The following LRRC74A variants were observed in gnomAD, a reference collection of about 807,000 sequenced individuals.
LRRC74A encodes leucine rich repeat containing 74A.
LRRC74A carries 44 observed loss-of-function variants against 57.9 expected under a neutral mutation model. The ratio of observed to expected loss-of-function variants is 0.76; its 90% CI spans 0.60 to 0.98. The LOEUF (loss-of-function observed/expected upper bound fraction) is 0.98, where lower values mean the gene tolerates loss of function less well. Among genes scored for constraint, LRRC74A ranks in the 50% least tolerant of loss-of-function variants. The pLI is 0.00. For synonymous variants in LRRC74A, 211 were observed against 219.4 expected, an observed-to-expected ratio of 0.96 and a Z score of 0.34; for missense variants, 572 against 574.0, an observed-to-expected ratio of 1.00 and a Z score of 0.04.
chr14:76,829,993 G>A (rs1483709529), intron 2 of LRRC74A, among the ~76,000 whole-genome samples: 1 of 152,214 alleles, frequency 6.6e-6, no homozygotes, highest in Non-Finnish European at 1.5e-5. Context: ...AACTAGGGGA[G>A]GGGGGTTGCT....
chr14:76,863,993 A>C (rs1898540578), intron 11 of LRRC74A, among the ~76,000 whole-genome samples: 1 of 152,226 alleles, frequency 6.6e-6, no homozygotes, highest in Non-Finnish European at 1.5e-5. Flanking sequence ...AAGGCCATCC[A>C]TTCTGACCCC....
rs549073288 is a variant in LRRC74A, at chr14:76,869,287, T to C, written c.1392-838T>C. On this transcript the variant is annotated intron_variant, in intron 13 of 13. Coordinates refer to ENST00000689127, the MANE Select transcript of LRRC74A (RefSeq NM_001385106.1). Reference sequence around the variant, plus strand: ...GCCATCGAGAGACAGAACTGGGGTCTGGGTCCCTGAGTCTCAGCGCCTGAG... The same window carrying C: ...GCCATCGAGAGACAGAACTGGGGTCCGGGTCCCTGAGTCTCAGCGCCTGAG... 2.6e-5 allele frequency among the ~76,000 whole-genome samples: 4 copies of C among 152,350 alleles called. No individual in the cohort carries two copies. The East Asian group carries it at 5.8e-4, about 22-fold the overall frequency.
At chr14:76,859,662 CTTTTTTTTTTT>C (rs1025552496) in intron 10 of LRRC74A, among the ~76,000 whole-genome samples, 5 of 80,904 alleles carry the variant, frequency 6.2e-5, no homozygotes, top group Non-Finnish European at 9.2e-5. Context: ...CTGAATTAGC[CTTTTTTTTTTT>C]TTTTTTTTTT....
chr14:76,828,366 T>C lies in LRRC74A; in HGVS notation c.113T>C (p.Val38Ala). The C allele has an allele frequency of 6.2e-7, 1 of 1,613,830 alleles. No homozygotes were observed. ...TGTGAGGCCGAATCCCCGCCGACTG[T>C]TGAAAAAGTGAAACCAGCCCGGGAG... ...LYCEAESPPT[V>A]EKVKPARENS... The change falls in exon 2 of 14, where the codon GTT becomes GCT. Residue 38 changes from valine to alanine, a missense_variant. Transcript: ENST00000689127.
intron 7 of LRRC74A, among the ~76,000 whole-genome samples, chr14:76,849,074 C>A (rs887431661): frequency 1.3e-5 from 2 of 152,156 alleles, no homozygotes; most frequent in African/African-American, 4.8e-5. Flanking sequence ...GTAATGGAAG[C>A]ACCTTTCCAT....
At position 76,826,487 on chromosome 14, in the gene LRRC74A, G is replaced by C; in HGVS notation, c.-211G>C. 6.4e-7 allele frequency: 1 copy of C among 1,559,948 alleles called. No homozygotes were observed. The highest frequency in any genetic ancestry group is 8.7e-7 in the Non-Finnish European group (1 of 1,148,514). On this transcript the variant is annotated 5_prime_UTR_variant, in exon 1 of 14. Transcript: ENST00000689127. The stretch of plus-strand genomic sequence containing the variant: ...GCTACCTCTCCCAGACAGAGTTGGG[G>C]TCAAATTCATGCACATCCAATTCCC...
intron 11 of LRRC74A, among the ~76,000 whole-genome samples, chr14:76,865,062 T>G (rs1467375): frequency 0.094 from 14,318 of 152,238 alleles, 778 homozygotes; most frequent in Admixed American, 0.13. Context: ...GTTACCTCTG[T>G]GTGGTGGTAT....
chr14:76,831,251 C>T lies in LRRC74A; in HGVS notation c.215C>T (p.Ala72Val), dbSNP rs1315839383. The T allele has an allele frequency of 6.2e-7, 1 of 1,614,044 alleles. No individual in the cohort carries two copies. The highest frequency in any genetic ancestry group is 1.7e-5 in the Admixed American group (1 of 60,028). The change falls in exon 3 of 14, where the codon GCC (alanine) becomes GTC (valine). Residue 72 changes from alanine (A) to valine (V), a missense_variant. By Grantham distance (64) the Ala-to-Val change is moderately conservative. Coordinates refer to ENST00000689127, the MANE Select transcript of LRRC74A (RefSeq NM_001385106.1). ...TTGQKELYLE[A>V]CKLMGVVPVS... ...GGACAAAAGGAGCTGTACCTGGAGG[C>T]CTGCAAGCTGATGGGTGTAGTGCCT...
In LRRC74A at chr14:76,833,436, C is replaced by CTTT. The variant is rs61149051; in HGVS notation, c.339+2082_339+2084dup. 1.7e-3 allele frequency among the ~76,000 whole-genome samples: 114 copies of CTTT among 69,014 alleles called. 1 individual carries two copies. Among genetic ancestry groups the CTTT allele is most frequent in the East Asian group, 2.7e-3 (6 of 2,206 alleles). 45.3% of individuals were successfully genotyped at this position (69,014 alleles called of 152,430 possible). On this transcript the variant is annotated intron_variant, in intron 3 of 13. Transcript: ENST00000689127. ...AGAGAGAGATGCCACATTCACATCACTTTTTTTTTTTTTTTTTTTTTTTGA... is the reference window on the plus strand; with the variant it reads ...AGAGAGAGATGCCACATTCACATCACTTTTTTTTTTTTTTTTTTTTTTTTTTGA...
intron 10 of LRRC74A, 122 bp downstream of exon 10, chr14:76,857,597 A>G: frequency 1.5e-6 from 1 of 667,084 alleles, no homozygotes; most frequent in Non-Finnish European, 2.6e-6. Context: ...CAAGTGCTCC[A>G]TGAAAGGGTC....
intron 9 of LRRC74A, among the ~76,000 whole-genome samples, chr14:76,857,045 A>G (rs535162753): frequency 1.4e-5 from 2 of 145,946 alleles, no homozygotes; most frequent in South Asian, 4.5e-4. Flanking sequence ...ATGGATGAGT[A>G]TATAGGTGGA....
Position 76,860,818 on chromosome 14 carries a change from A to G in LRRC74A, c.1179A>G (p.Thr393=), listed in dbSNP as rs1051040550. The G allele has an allele frequency of 1.2e-6, 2 of 1,608,292 alleles. No individual in the cohort carries two copies. The highest frequency in any genetic ancestry group is 3.4e-5 in the Admixed American group (2 of 59,398). The change falls in exon 11 of 14, where the codon ACA becomes ACG. Residue 393 remains threonine, a synonymous_variant. Transcript: ENST00000689127. ...CCAAGAAAACCATCTTCTTGTTGAC[A>G]AACCCCATGAAACTGATCCAGGTGA... ...LSPKKTIFLL[T]NPMKLIQSYA... is the part of the protein sequence containing the mutation.
intron 4 of LRRC74A, among the ~76,000 whole-genome samples, chr14:76,837,251 T>A (rs1896419981): frequency 1.3e-5 from 2 of 152,226 alleles, no homozygotes; most frequent in Non-Finnish European, 2.9e-5. Flanking sequence ...TAGAGATGGC[T>A]GGCGGTGATG....
intron 12 of LRRC74A, among the ~76,000 whole-genome samples, chr14:76,866,912 TG>T (rs1898849509): frequency 8.5e-6 from 1 of 117,624 alleles, no homozygotes; most frequent in African/African-American, 3.4e-5. Flanking sequence ...AGGCATTGTG[TG>T]GGGTGTGTGT....
rs147740326 is a variant in LRRC74A, at chr14:76,829,388, G to A, written c.166+969G>A. Among the ~76,000 whole-genome samples, 245 of 152,238 alleles carry A rather than the reference G, an allele frequency of 1.6e-3. 2 individuals are homozygous for A. Among genetic ancestry groups the A allele is most frequent in the African/African-American group, 5.6e-3 (232 of 41,548 alleles). On this transcript the variant is annotated intron_variant, in intron 2 of 13. Transcript: ENST00000689127. Reference sequence around the variant, plus strand: ...ACCCTTCTACGCAGACCTCCTCCCCGCTGACCCCCAGGCAGCTTGTTGCTC... The same window carrying A: ...ACCCTTCTACGCAGACCTCCTCCCCACTGACCCCCAGGCAGCTTGTTGCTC...
At position 76,870,158 on chromosome 14, in the gene LRRC74A, C is replaced by T. The variant is rs369098981; in HGVS notation, c.*9C>T. ...ACACGATGAAGCCATAGCAACAAGT[C>T]TGGTCTAGAAAGAAGTCTCGGCGAG... On this transcript the variant is annotated 3_prime_UTR_variant, in exon 14 of 14. Coordinates refer to ENST00000689127, the MANE Select transcript of LRRC74A (RefSeq NM_001385106.1). 1.1e-5 allele frequency: 17 copies of T among 1,610,512 alleles called. No homozygotes were observed. The Middle Eastern group carries it at 8.2e-4, about 78-fold the overall frequency.
chr14:76,862,387 G>A (rs1227722164), intron 11 of LRRC74A, among the ~76,000 whole-genome samples: 2 of 152,090 alleles, frequency 1.3e-5, no homozygotes, highest in Admixed American at 6.5e-5. Context: ...AAAATTAGCC[G>A]AGCGTGGTGG....
At chr14:76,869,575 AC>A (rs1326862470) in intron 13 of LRRC74A, among the ~76,000 whole-genome samples, 1 of 151,988 alleles carries the variant, frequency 6.6e-6, no homozygotes, top group East Asian at 1.9e-4. Context: ...AGATGGTGAA[AC>A]CCCCACCTCT....
chr14:76,851,695 C>T (rs1278821788), intron 7 of LRRC74A, among the ~76,000 whole-genome samples: 1 of 131,838 alleles, frequency 7.6e-6, no homozygotes, highest in East Asian at 2.3e-4. Flanking sequence ...GAGACAGAGT[C>T]TCGCTCTGTC....
Sources: allele counts gnomAD v4.1 joint callset (sites outside exome capture counted in the v4.1 genomes callset), GRCh38; gene constraint gnomAD v4.1.1; transcripts MANE v1.5; gene names NCBI Gene and HGNC (gene_info 2026-07-23, HGNC 2026-07-21).